The following TMEM254 variants were observed in gnomAD, a reference collection of about 807,000 sequenced individuals.
TMEM254 encodes transmembrane protein 254.
A neutral mutation model predicts 13.9 loss-of-function variants in TMEM254; 16 were observed. That is an observed-to-expected ratio of 1.15 (90% CI 0.78 to 1.75). The LOEUF (loss-of-function observed/expected upper bound fraction) is 1.75, where lower values mean the gene tolerates loss of function less well. TMEM254 is among the 40% of genes most tolerant of loss of function. TMEM254 has a pLI of 0.00. For synonymous variants in TMEM254, 61 were observed against 56.4 expected (o/e 1.08, Z -0.36); for missense variants, 155 against 149.0 (o/e 1.04, Z -0.21).
At chr10:80,089,545 C>T (rs140245162) in intron 3 of TMEM254, among the ~76,000 whole-genome samples, 4 of 152,048 alleles carry the variant, frequency 2.6e-5, no homozygotes, top group South Asian at 2.1e-4. Flanking sequence ...CATGGTGGTG[C>T]GTGCCTGTGA....
chr10:80,081,586 T>C, intron 1 of TMEM254: 1 of 1,143,996 alleles, frequency 8.7e-7, no homozygotes, highest in Non-Finnish European at 1.2e-6. Context: ...GAGGATGGAT[T>C]GAGCCCAGAT....
intron 1 of TMEM254, among the ~76,000 whole-genome samples, chr10:80,080,885 G>C (rs551106064): frequency 1.0e-3 from 154 of 152,220 alleles, no homozygotes; most frequent in African/African-American, 3.6e-3. Context: ...TTGGAGATCA[G>C]CCTGGCCAAC....
At chr10:80,083,105 CTT>C (rs57014602) in intron 3 of TMEM254, among the ~76,000 whole-genome samples, 3 of 106,370 alleles carry the variant, frequency 2.8e-5, no homozygotes, top group African/African-American at 3.7e-5. Context: ...ATAAGCTAGA[CTT>C]TTTTTTTTTT....
rs182002564 is a variant in TMEM254, at chr10:80,090,654, G to A, written c.252-143G>A. On this transcript the variant is annotated intron_variant, in intron 3 of 3. Coordinates refer to ENST00000372281, the MANE Select transcript of TMEM254 (RefSeq NM_025125.4). ...GATGAAAAATAAATGAACCATCCAA[G>A]ATAAGCCAGAGAAAAGCAGCAAAAT... is the stretch of plus-strand genomic sequence containing the variant. 46 of 738,782 alleles carry A rather than the reference G, an allele frequency of 6.2e-5. No individual in the cohort carries two copies. In the East Asian group the frequency reaches 1.2e-3, roughly 20 times the overall value. 45.8% of individuals were successfully genotyped at this position (738,782 alleles called of 1,614,324 possible).
intron 1 of TMEM254, chr10:80,079,623 G>C (rs893158385): frequency 2.0e-6 from 2 of 986,674 alleles, no homozygotes; most frequent in African/African-American, 3.5e-5. Flanking sequence ...GCTGTACCTA[G>C]AAAAAGAGCG....
chr10:80,085,306 T>A (rs1844257515), intron 3 of TMEM254, among the ~76,000 whole-genome samples: 1 of 152,032 alleles, frequency 6.6e-6, no homozygotes, highest in Non-Finnish European at 1.5e-5. Context: ...ATGCCTGTAA[T>A]CTCAGCACTT....
chr10:80,080,736 C>T (rs1256812274), intron 1 of TMEM254, among the ~76,000 whole-genome samples: 3 of 151,526 alleles, frequency 2.0e-5, no homozygotes, highest in Non-Finnish European at 2.9e-5. Flanking sequence ...CCCAGGAGTT[C>T]GAGACCATCC....
chr10:80,081,004 C>T (rs879733367), intron 1 of TMEM254, among the ~76,000 whole-genome samples: 3 of 152,174 alleles, frequency 2.0e-5, no homozygotes, highest in East Asian at 1.9e-4. Context: ...CGTTTGAATC[C>T]GCGAGGCGGA....
chr10:80,087,122 T>C (rs946480902), intron 3 of TMEM254, among the ~76,000 whole-genome samples: 1 of 152,156 alleles, frequency 6.6e-6, no homozygotes, highest in African/African-American at 2.4e-5. Flanking sequence ...TTTGTCTATG[T>C]CTATACATAT....
chr10:80,086,206 T>C, intron 3 of TMEM254: 1 of 1,423,260 alleles, frequency 7.0e-7, no homozygotes, highest in Non-Finnish European at 9.2e-7. Context: ...AAAACTTTCT[T>C]AAAAGACTTT....
At position 80,082,128 on chromosome 10, in the gene TMEM254, CT is replaced by C. The variant is rs753133973; in HGVS notation, c.192-9del. 1.1e-5 allele frequency: 18 copies of C among 1,609,456 alleles called. No homozygotes were observed. Among genetic ancestry groups the C allele is most frequent in the South Asian group, 3.3e-5 (3 of 90,808 alleles). On this transcript the variant is annotated splice_polypyrimidine_tract_variant and intron_variant, in intron 2 of 3. Coordinates refer to ENST00000372281, the MANE Select transcript of TMEM254 (RefSeq NM_025125.4). ...AACTATCACCTTAAAAAAGATTAAC[CT>C]TTTTTTTGGTTTCAGGTATTGGCTT...
rs533284317 is a variant in TMEM254, at chr10:80,080,704, C to T, written c.88-1137C>T. Among the ~76,000 whole-genome samples the T allele has an allele frequency of 5.3e-5, 8 of 152,124 alleles. No homozygotes were observed. In the East Asian group the frequency reaches 9.6e-4, roughly 18 times the overall value. On this transcript the variant is annotated intron_variant, in intron 1 of 3. Transcript: ENST00000372281. ...CTGTAATCCCAGCACTTTGGGAGGC[C>T]GAGGCGGGCAAATCGCTTGAGCCCA...
chr10:80,089,275 C>T (rs1230901491), intron 3 of TMEM254, among the ~76,000 whole-genome samples: 2 of 152,142 alleles, frequency 1.3e-5, no homozygotes, highest in African/African-American at 4.8e-5. Flanking sequence ...GGAGAACTTT[C>T]AACATTTTGC....
In TMEM254 at chr10:80,081,890, T is replaced by G. The variant is rs201985054; in HGVS notation, c.137T>G (p.Leu46Arg). The change falls in exon 2 of 4, where the codon CTG becomes CGG. Residue 46 changes from leucine (L) to arginine (R), a missense_variant. Physicochemically the swap from Leu to Arg is moderately radical, Grantham distance 102. Transcript: ENST00000372281. The part of the protein sequence containing the change: ...QSIPYQNLGP[L>R]GPFTQYLVDH... The stretch of plus-strand genomic sequence containing the variant: ...ATCCCTTATCAGAACCTTGGGCCCC[T>G]GGGCCCCTTCACTCAGTACTTGGTG... The G allele has an allele frequency of 5.0e-6, 8 of 1,614,206 alleles. No individual in the cohort carries two copies. The Admixed American group carries it at 1.0e-4, about 20-fold the overall frequency.
intron 3 of TMEM254, among the ~76,000 whole-genome samples, chr10:80,084,219 C>T (rs946342511): frequency 2.0e-5 from 3 of 152,188 alleles, no homozygotes; most frequent in African/African-American, 7.2e-5. Context: ...TGAGACACTA[C>T]TCATCACCAG....
intron 3 of TMEM254, among the ~76,000 whole-genome samples, chr10:80,083,718 A>G (rs1160860263): frequency 6.6e-6 from 1 of 152,084 alleles, no homozygotes; most frequent in Non-Finnish European, 1.5e-5. Flanking sequence ...CTATTCACTA[A>G]TAATCGCTGC....
chr10:80,088,430 T>G (rs1844415098), intron 3 of TMEM254, among the ~76,000 whole-genome samples: 1 of 149,350 alleles, frequency 6.7e-6, no homozygotes, highest in Non-Finnish European at 1.5e-5. Context: ...ATATTTCCAT[T>G]ATGTTTTTTT....
At chr10:80,086,321 C>T in intron 3 of TMEM254, 1 of 1,241,444 alleles carries the variant, frequency 8.1e-7, no homozygotes, top group South Asian at 1.9e-5. Context: ...TACCTAGCCA[C>T]CAACTGTGAC....
intron 3 of TMEM254, among the ~76,000 whole-genome samples, chr10:80,089,263 A>G (rs548226471): frequency 4.6e-5 from 7 of 152,260 alleles, no homozygotes; most frequent in South Asian, 4.1e-4. Context: ...CTTGACCTCA[A>G]AGGAGAACTT....
Sources: allele counts gnomAD v4.1 joint callset (sites outside exome capture counted in the v4.1 genomes callset), GRCh38; gene constraint gnomAD v4.1.1; transcripts MANE v1.5; gene names NCBI Gene and HGNC (gene_info 2026-07-23, HGNC 2026-07-21).